The following KCNJ5 variants were observed in gnomAD, a reference collection of about 807,000 sequenced individuals.
KCNJ5 encodes potassium inwardly rectifying channel subfamily J member 5.
KCNJ5 carries 12 observed loss-of-function variants against 20.2 expected under a neutral mutation model. That is an observed-to-expected ratio of 0.59 (90% CI 0.38 to 0.96). The LOEUF (loss-of-function observed/expected upper bound fraction) is 0.96. Ranked by LOEUF, KCNJ5 falls within the 40% of genes least tolerant of loss-of-function variation. The pLI, the probability that KCNJ5 is intolerant of heterozygous loss-of-function variation, is 0.00. For missense variants in KCNJ5, 449 were observed against 557.6 expected (o/e 0.81, Z 1.96); for synonymous variants, 210 against 213.9 (o/e 0.98, Z 0.16).
intron 1 of KCNJ5, among the ~76,000 whole-genome samples, chr11:128,904,820 A>C (rs74632436): frequency 0.036 from 5,422 of 152,272 alleles, 302 homozygotes; most frequent in African/African-American, 0.12. Context: ...CACCTACTCC[A>C]TCATGTGCTA....
rs1168097173 is a variant in KCNJ5, at chr11:128,919,354, A to G, written c.*2623A>G. ...CAGGTCACATCTCTCAGCCAAGTCT[A>G]GAAGCTCTGGCTAGAGGAGAGGAAG... On this transcript the variant is annotated 3_prime_UTR_variant, in exon 3 of 3. Coordinates refer to ENST00000529694, the MANE Select transcript of KCNJ5 (RefSeq NM_000890.5). The G allele has an allele frequency of 1.3e-5, 2 of 152,334 alleles. No individual in the cohort carries two copies. The highest frequency in any genetic ancestry group is 2.9e-5 in the Non-Finnish European group (2 of 68,122). The allele number at this position is 152,334 out of a possible 1,614,324, so 9.4% of individuals were successfully genotyped here.
chr11:128,891,955 C>T (rs1006239797), intron 1 of KCNJ5, among the ~76,000 whole-genome samples: 5 of 152,268 alleles, frequency 3.3e-5, no homozygotes, highest in Admixed American at 1.3e-4. Flanking sequence ...AACACCTTCA[C>T]TTCTGGCACT....
At chr11:128,904,726 A>G (rs1591444726) in intron 1 of KCNJ5, 1 of 583,684 alleles carries the variant, frequency 1.7e-6, no homozygotes, top group South Asian at 2.0e-5. Context: ...ACATAATTCA[A>G]ACACCCAGTG....
chr11:128,912,297 T>C, intron 2 of KCNJ5, 87 bp downstream of exon 2: 3 of 1,076,642 alleles, frequency 2.8e-6, no homozygotes. Flanking sequence ...TGCAGGTCTG[T>C]GCCTGAGAGT....
At chr11:128,902,617 T>C in intron 1 of KCNJ5, 1 of 1,613,916 alleles carries the variant, frequency 6.2e-7, no homozygotes, top group Non-Finnish European at 8.5e-7. Flanking sequence ...GGCGGCCCTC[T>C]CTACTATCAT....
intron 1 of KCNJ5, chr11:128,900,187 TG>T (rs1299185621): frequency 1.3e-5 from 2 of 152,242 alleles, no homozygotes; most frequent in Non-Finnish European, 2.9e-5. Flanking sequence ...ATGGTCTTTT[TG>T]TCTCTGTATT....
chr11:128,920,692 T>C lies in KCNJ5; in HGVS notation c.*3961T>C, dbSNP rs986974666. On this transcript the variant is annotated 3_prime_UTR_variant, in exon 3 of 3. Transcript: ENST00000529694. ...GGCTGAGAGAGGTTCATGAGCTTGC[T>C]CAAGGCCACGGGTAGTAATAAGAGG... is the stretch of plus-strand genomic sequence containing the variant. The C allele has an allele frequency of 2.6e-5, 4 of 152,216 alleles. No homozygotes were observed. Among genetic ancestry groups the C allele is most frequent in the African/African-American group, 9.6e-5 (4 of 41,454 alleles). 9.4% of individuals were successfully genotyped at this position (152,216 alleles called of 1,614,324 possible).
chr11:128,891,423 C>CAGAGAGAGAGAGAG lies in KCNJ5; in HGVS notation c.-308_-307insGAGAGAGAGAGAGA. On this transcript the variant is annotated 5_prime_UTR_variant, in exon 1 of 3. Coordinates refer to ENST00000529694, the MANE Select transcript of KCNJ5 (RefSeq NM_000890.5). ...ACACACACACACACACACACACACACACACACACACACACACACAGAGAGA... is the reference window on the plus strand; with the variant it reads ...ACACACACACACACACACACACACACAGAGAGAGAGAGAGACACACACACACACACACAGAGAGA... The CAGAGAGAGAGAGAG allele has an allele frequency of 9.2e-6, 1 of 108,622 alleles. No individual in the cohort carries two copies. Among genetic ancestry groups the CAGAGAGAGAGAGAG allele is most frequent in the South Asian group, 3.2e-4 (1 of 3,092 alleles). The allele number at this position is 108,622 out of a possible 1,614,324, so 6.7% of individuals were successfully genotyped here.
intron 1 of KCNJ5, chr11:128,905,965 C>G (rs1297769855): frequency 6.6e-6 from 1 of 152,144 alleles, no homozygotes; most frequent in Admixed American, 6.5e-5. Context: ...AGTGGGAGCA[C>G]GATGCTGACA....
chr11:128,899,886 A>G (rs948458730), intron 1 of KCNJ5: 1 of 152,236 alleles, frequency 6.6e-6, no homozygotes, highest in Non-Finnish European at 1.5e-5. Context: ...CGAGTGGCCC[A>G]CAGTGGCTCA....
intron 2 of KCNJ5, among the ~76,000 whole-genome samples, chr11:128,913,135 G>T (rs778461819): frequency 2.0e-5 from 3 of 152,194 alleles, no homozygotes; most frequent in African/African-American, 7.2e-5. Flanking sequence ...AAACTCAAAA[G>T]GTTCTCACCA....
At chr11:128,894,321 C>A (rs1168054648) in intron 1 of KCNJ5, among the ~76,000 whole-genome samples, 1 of 152,070 alleles carries the variant, frequency 6.6e-6, no homozygotes, top group Non-Finnish European at 1.5e-5. Context: ...TTAGCAAACA[C>A]TCACATTTTC....
intron 1 of KCNJ5, chr11:128,900,356 T>C (rs1377182173): frequency 1.3e-5 from 2 of 152,192 alleles, no homozygotes; most frequent in Non-Finnish European, 2.9e-5. Flanking sequence ...AGTATTTTGG[T>C]TTCTTTAATG....
rs1282255887 is a variant in KCNJ5, at chr11:128,919,667, ATTAAT to A, written c.*2940_*2944del. Reference sequence around the variant, plus strand: ...CAAGGGGTCACTTTCAAAACATTTAATTAATTTATTTATGTAGAGACAGGGTCTCG... The same window carrying A: ...CAAGGGGTCACTTTCAAAACATTTAATTATTTATGTAGAGACAGGGTCTCG... On this transcript the variant is annotated 3_prime_UTR_variant, in exon 3 of 3. Transcript: ENST00000529694. 1.3e-5 allele frequency: 2 copies of A among 152,208 alleles called. No homozygotes were observed. Among genetic ancestry groups the A allele is most frequent in the African/African-American group, 4.8e-5 (2 of 41,452 alleles). The allele number at this position is 152,208 out of a possible 1,614,324, so 9.4% of individuals were successfully genotyped here.
intron 1 of KCNJ5, among the ~76,000 whole-genome samples, chr11:128,897,931 A>G (rs1252139837): frequency 6.6e-6 from 1 of 152,156 alleles, no homozygotes; most frequent in African/African-American, 2.4e-5. Flanking sequence ...TTCCTTTTGC[A>G]CTTTTGTCAA....
chr11:128,891,519 G>T lies in KCNJ5; in HGVS notation c.-213G>T. 6.6e-6 allele frequency: 1 copy of T among 150,434 alleles called. No individual in the cohort carries two copies. The highest frequency in any genetic ancestry group is 2.0e-4 in the East Asian group (1 of 5,060). The allele number at this position is 150,434 out of a possible 1,614,324, so 9.3% of individuals were successfully genotyped here. ...GCTAGAGAAAGGGAGTGACCCAAGG[G>T]GCCGCGAGTGAAGGGACAGGATGGC... On this transcript the variant is annotated 5_prime_UTR_variant, in exon 1 of 3. Transcript: ENST00000529694.
chr11:128,907,701 C>A (rs1228263454), intron 1 of KCNJ5, among the ~76,000 whole-genome samples: 1 of 152,228 alleles, frequency 6.6e-6, no homozygotes, highest in Non-Finnish European at 1.5e-5. Context: ...CTGCGTCCTG[C>A]AGAGAGTAGC....
chr11:128,904,523 G>T (rs1267796289), intron 1 of KCNJ5: 3 of 1,480,748 alleles, frequency 2.0e-6, no homozygotes, highest in Non-Finnish European at 2.8e-6. Flanking sequence ...GGGCGGAGAG[G>T]TCGTGCTACT....
chr11:128,916,819 A>C lies in KCNJ5; in HGVS notation c.*88A>C. 1 of 1,063,318 alleles carries C rather than the reference A, an allele frequency of 9.4e-7. No individual in the cohort carries two copies. The highest frequency in any genetic ancestry group is 1.4e-6 in the Non-Finnish European group (1 of 738,922). The allele number at this position is 1,063,318 out of a possible 1,614,324, so 65.9% of individuals were successfully genotyped here. ...TGGGAGCAGGGGAGGGGAATAGTTG[A>C]GTGTGCTGTTTGGGGGCTCAGGAGC... On this transcript the variant is annotated 3_prime_UTR_variant, in exon 3 of 3. Coordinates refer to ENST00000529694, the MANE Select transcript of KCNJ5 (RefSeq NM_000890.5).
Sources: gnomAD v4.1 joint callset for allele counts (sites outside exome capture counted in the v4.1 genomes callset) on GRCh38, gnomAD v4.1.1 for gene constraint, MANE v1.5 for transcripts, NCBI Gene and HGNC (gene_info 2026-07-23, HGNC 2026-07-21) for gene names.